The following TTN variants were observed in gnomAD, a reference collection of about 807,000 sequenced individuals.
TTN encodes titin.
A neutral mutation model predicts 3,223.0 loss-of-function variants in TTN; 1,525 were observed. That is an observed-to-expected ratio of 0.47 (90% CI 0.45 to 0.49). TTN has a LOEUF of 0.49. Ranked by LOEUF, TTN falls within the 20% of genes least tolerant of loss-of-function variation. TTN has a pLI of 0.00. For synonymous variants in TTN, 14,094 were observed against 15,161.0 expected, an observed-to-expected ratio of 0.93 and a Z score of 5.17; for missense variants, 40,786 against 43,424.0, an observed-to-expected ratio of 0.94 and a Z score of 5.40.
Position 178,588,931 on chromosome 2 carries a change from T to A in TTN, c.62794A>T (p.Asn20932Tyr). The A allele has an allele frequency of 6.2e-7, 1 of 1,612,894 alleles. No individual in the cohort carries two copies. Among genetic ancestry groups the A allele is most frequent in the Non-Finnish European group, 8.5e-7 (1 of 1,179,452 alleles). Reference sequence around the variant, plus strand: ...GCACGGACTCTGAAAATATATTCATTTCCTTCTATGAGACGTGTTACTGTA... The same window carrying A: ...GCACGGACTCTGAAAATATATTCATATCCTTCTATGAGACGTGTTACTGTA... ...GTTVTRLIEG[N>Y]EYIFRVRAEN... is the part of the protein sequence containing the mutation. Residue 20932 changes from asparagine to tyrosine, a missense_variant, in exon 304 of 363, where the codon AAT (asparagine) becomes TAT (tyrosine). Transcript: ENST00000589042.
chr2:178,783,604 G>A, intron 17 of TTN, 116 bp downstream of exon 17: 3 of 931,862 alleles, frequency 3.2e-6, no homozygotes, highest in South Asian at 1.4e-5. Context: ...ATGAGCATCT[G>A]TAAGCTCACT....
chr2:178,727,532 A>C, intron 68 of TTN, 53 bp downstream of exon 68: 1 of 1,522,130 alleles, frequency 6.6e-7, no homozygotes, highest in Non-Finnish European at 8.8e-7. Flanking sequence ...AACTGAATAC[A>C]GAGAACCAAA....
At position 178,552,567 on chromosome 2, in the gene TTN, C is replaced by G. The variant is rs1421739621; in HGVS notation, c.90333G>C (p.Leu30111=). The change falls in exon 335 of 363, where the codon CTG becomes CTC. Residue 30111 remains leucine (L), a synonymous_variant. Transcript: ENST00000589042. ...TTGGCCCAATAGTGACAGGATCACTCAGTCCTTTCTCATTTTTGGCAAACA... is the reference window on the plus strand; with the variant it reads ...TTGGCCCAATAGTGACAGGATCACTGAGTCCTTTCTCATTTTTGGCAAACA... The part of the protein sequence containing the change: ...FRVFAKNEKG[L]SDPVTIGPIT... The G allele has an allele frequency of 6.2e-7, 1 of 1,613,686 alleles. No individual in the cohort carries two copies. Among genetic ancestry groups the G allele is most frequent in the South Asian group, 1.1e-5 (1 of 91,070 alleles).
At position 178,530,326 on chromosome 2, in the gene TTN, G is replaced by A; in HGVS notation, c.106289C>T (p.Thr35430Ile). 6.2e-7 allele frequency: 1 copy of A among 1,613,982 alleles called. No individual in the cohort carries two copies. The highest frequency in any genetic ancestry group is 8.5e-7 in the Non-Finnish European group (1 of 1,179,880). Reference sequence around the variant, plus strand: ...TTTAGCAACACTGTCTGAAGAAACAGTTGTATCCTGCAACCCAGTAACAAT... The same window carrying A: ...TTTAGCAACACTGTCTGAAGAAACAATTGTATCCTGCAACCCAGTAACAAT... ...PVIVTGLQDTTVSSDSVAKFA... is the reference protein window; with the variant it reads ...PVIVTGLQDTIVSSDSVAKFA... Residue 35430 changes from threonine to isoleucine, a missense_variant, in exon 358 of 363, where the codon ACT (threonine) becomes ATT (isoleucine). Transcript: ENST00000589042.
intron 46 of TTN, 25 bp downstream of exon 46, chr2:178,756,197 A>G (rs766342347): frequency 6.5e-7 from 1 of 1,531,586 alleles, no homozygotes; most frequent in Non-Finnish European, 8.9e-7. Flanking sequence ...GAAATGAAGC[A>G]AGTCATAGCT....
At chr2:178,695,021 C>A in intron 115 of TTN, 115 bp from the exon 116 acceptor site, 3 of 727,212 alleles carry the variant, frequency 4.1e-6, no homozygotes, top group Non-Finnish European at 6.6e-6. Context: ...AGTGTATATG[C>A]AGATACATGT....
intron 40 of TTN, 129 bp downstream of exon 40, chr2:178,767,630 G>A: frequency 7.4e-7 from 1 of 1,353,726 alleles, no homozygotes; most frequent in Non-Finnish European, 1.0e-6. Flanking sequence ...TCTAAGCCAA[G>A]TAAGAATGAG....
chr2:178,782,159 C>A (rs1367615159), intron 20 of TTN, 53 bp downstream of exon 20: 1 of 1,600,668 alleles, frequency 6.2e-7, no homozygotes, highest in Admixed American at 1.7e-5. Flanking sequence ...CTCTAGGCTT[C>A]ATGCACGTAT....
Position 178,559,754 on chromosome 2 carries a change from G to C in TTN, c.86378C>G (p.Thr28793Ser). The C allele has an allele frequency of 1.9e-6, 3 of 1,599,664 alleles. No individual in the cohort carries two copies. The highest frequency in any genetic ancestry group is 2.6e-6 in the Non-Finnish European group (3 of 1,172,404). The change falls in exon 326 of 363, where the codon ACT becomes AGT. Residue 28793 changes from threonine (T) to serine (S), a missense_variant. Coordinates refer to ENST00000589042, the MANE Select transcript of TTN (RefSeq NM_001267550.2). ...AACATAAGCTCTAGTACGGAGGTCA[G>C]TGTCTGGCTTACTCCACAAGACATT... ...VPNVLWSKPDTDLRTRAYVDT... is the reference protein window; with the variant it reads ...VPNVLWSKPDSDLRTRAYVDT...
intron 99 of TTN, among the ~76,000 whole-genome samples, chr2:178,708,634 T>C (rs1014890782): frequency 3.3e-5 from 5 of 152,220 alleles, no homozygotes; most frequent in Admixed American, 6.5e-5. Context: ...GTGTAAATCA[T>C]GAAGATAAGC....
Position 178,735,942 on chromosome 2 carries a change from A to C in TTN, c.14504T>G (p.Leu4835Arg). Residue 4835 changes from leucine (L) to arginine (R), a missense_variant, in exon 50 of 363, where the codon CTC becomes CGC. By Grantham distance (102) the Leu-to-Arg change is moderately radical. Coordinates refer to ENST00000589042, the MANE Select transcript of TTN (RefSeq NM_001267550.2). Reference sequence around the variant, plus strand: ...AATCCTCCAGTTAGGTGAAGGTGAGAGTGCAGCACCATCTTTCTGCCAAAT... The same window carrying C: ...AATCCTCCAGTTAGGTGAAGGTGAGCGTGCAGCACCATCTTTCTGCCAAAT... ...ETIWQKDGAA[L>R]SPSPNWRISD... 6.2e-7 allele frequency: 1 copy of C among 1,613,902 alleles called. No individual in the cohort carries two copies. The highest frequency in any genetic ancestry group is 1.1e-5 in the South Asian group (1 of 91,086).
In TTN at chr2:178,712,020, A is replaced by G. The variant is rs370188078; in HGVS notation, c.27810T>C (p.Asn9270=). The change falls in exon 96 of 363, where the codon AAT becomes AAC. Residue 9270 remains asparagine (N), a synonymous_variant. Transcript: ENST00000589042. ...CTTTGCAGATATATTCTCCACTATC[A>G]TTAATATCAACCTGGTTGAAAACCA... ...ATLVFNQVDI[N]DSGEYICKAE... 6 of 1,613,796 alleles carry G rather than the reference A, an allele frequency of 3.7e-6. No homozygotes were observed. The highest frequency in any genetic ancestry group is 2.2e-5 in the East Asian group (1 of 44,866).
rs11897366 is a variant in TTN at position 178,551,829 on chromosome 2, A to C, written c.91071T>G (p.Thr30357=). ...TTTCTTTCTTTTCAACATGGAATCC[A>C]GTAACTTCTGAACCACCATCATAAA... ...APVYDGGSEV[T]GFHVEKKERN... The change falls in exon 335 of 363, where the codon ACT becomes ACG. Residue 30357 remains threonine (T), a synonymous_variant. Coordinates refer to ENST00000589042, the MANE Select transcript of TTN (RefSeq NM_001267550.2). The C allele has an allele frequency of 0.061, 98,485 of 1,613,714 alleles. 6,580 individuals carry two copies. The highest frequency in any genetic ancestry group is 0.26 in the African/African-American group (19,734 of 74,936).
At position 178,711,965 on chromosome 2, in the gene TTN, A is replaced by G. The variant is rs2076724301; in HGVS notation, c.27865T>C (p.Ser9289Pro). The change falls in exon 96 of 363, where the codon TCA becomes CCA. Residue 9289 changes from serine (S) to proline (P), a missense_variant. By Grantham distance (74) the Ser-to-Pro change is moderately conservative. Transcript: ENST00000589042. ...AENSVGEVSASTFLTVQEQKL... is the reference protein window; with the variant it reads ...AENSVGEVSAPTFLTVQEQKL... The stretch of plus-strand genomic sequence containing the variant: ...TCACCTTGAACGGTAAGGAAAGTTG[A>G]TGCAGAAACTTCTCCCACGCTGTTT... 5 of 1,602,770 alleles carry G rather than the reference A, an allele frequency of 3.1e-6. No individual in the cohort carries two copies. The East Asian group carries it at 1.1e-4, about 36-fold the overall frequency.
Position 178,663,609 on chromosome 2 carries a change from A to G in TTN, c.36532+18T>C, listed in dbSNP as rs1383059431. Reference sequence around the variant, plus strand: ...AGAAGAGATACATCATCTGAAGCCTAAAATCAGTGACAAATACCTTTAACA... The same window carrying G: ...AGAAGAGATACATCATCTGAAGCCTGAAATCAGTGACAAATACCTTTAACA... On this transcript the variant is annotated intron_variant, in intron 171 of 362. Coordinates refer to ENST00000589042, the MANE Select transcript of TTN (RefSeq NM_001267550.2). 1 of 1,613,608 alleles carries G rather than the reference A, an allele frequency of 6.2e-7. No individual in the cohort carries two copies. Among genetic ancestry groups the G allele is most frequent in the African/African-American group, 1.3e-5 (1 of 74,910 alleles).
In TTN at chr2:178,723,882, T is replaced by G. The variant is rs761736630; in HGVS notation, c.21377A>C (p.Glu7126Ala). 5 of 1,612,356 alleles carry G rather than the reference T, an allele frequency of 3.1e-6. No homozygotes were observed. In the East Asian group the frequency reaches 8.9e-5, roughly 29 times the overall value. The change falls in exon 73 of 363, where the codon GAA becomes GCA. Residue 7126 changes from glutamate (E) to alanine (A), a missense_variant. Physicochemically the swap from Glu to Ala is moderately radical, Grantham distance 107. Coordinates refer to ENST00000589042, the MANE Select transcript of TTN (RefSeq NM_001267550.2). The part of the protein sequence containing the change: ...CVAANVAGSD[E>A]CRAVLTVQEP... Reference sequence around the variant, plus strand: ...TTGTACAGTTAGCACTGCACGACATTCATCAGACCCAGCGACATTAGCAGC... The same window carrying G: ...TTGTACAGTTAGCACTGCACGACATGCATCAGACCCAGCGACATTAGCAGC...
rs747426988 is a variant in TTN, at chr2:178,640,586, G to T, written c.40678C>A (p.Pro13560Thr). The change falls in exon 221 of 363, where the codon CCT (proline) becomes ACT (threonine). Residue 13560 changes from proline (P) to threonine (T), a missense_variant. Coordinates refer to ENST00000589042, the MANE Select transcript of TTN (RefSeq NM_001267550.2). ...TTCCTTTCCCTTTTTGTAACAGTAGGTACTTCAACCTCTTCAACAGGTTTT... is the reference window on the plus strand; with the variant it reads ...TTCCTTTCCCTTTTTGTAACAGTAGTTACTTCAACCTCTTCAACAGGTTTT... ...PPKPVEEVEV[P>T]TVTKRERKIP... The T allele has an allele frequency of 3.8e-6, 6 of 1,597,576 alleles. No homozygotes were observed. Among genetic ancestry groups the T allele is most frequent in the Non-Finnish European group, 5.1e-6 (6 of 1,173,718 alleles).
Position 178,621,698 on chromosome 2 carries a change from A to C in TTN, c.45126T>G (p.Val15042=). ...CCAGTTTTATAGTGTCTGTTTCACT[A>C]ACTTCAATGTTGGCAAGATTTTTGG... ...VFTKNLANIE[V]SETDTIKLVC... Residue 15042 remains valine (V), a synonymous_variant, in exon 245 of 363, where the codon GTT becomes GTG. Coordinates refer to ENST00000589042, the MANE Select transcript of TTN (RefSeq NM_001267550.2). 6.2e-7 allele frequency: 1 copy of C among 1,612,056 alleles called. No homozygotes were observed. Among genetic ancestry groups the C allele is most frequent in the Non-Finnish European group, 8.5e-7 (1 of 1,179,000 alleles).
At chr2:178,792,867 T>C (rs758357807) in intron 9 of TTN, among the ~76,000 whole-genome samples, 2 of 152,230 alleles carry the variant, frequency 1.3e-5, no homozygotes, top group Non-Finnish European at 2.9e-5. Context: ...CTCTACTAAC[T>C]GGCATTTTCC....
Sources: gnomAD v4.1 joint callset for allele counts (sites outside exome capture counted in the v4.1 genomes callset) on GRCh38, gnomAD v4.1.1 for gene constraint, MANE v1.5 for transcripts, NCBI Gene and HGNC (gene_info 2026-07-23, HGNC 2026-07-21) for gene names.